USP24: variants seen among roughly 807,000 people sequenced by gnomAD.
The protein encoded by USP24 is ubiquitin carboxyl-terminal hydrolase 24.
USP24 carries 97 observed loss-of-function variants against 361.6 expected under a neutral mutation model. The ratio of observed to expected loss-of-function variants is 0.27; its 90% confidence interval spans 0.23 to 0.32. USP24 has a LOEUF of 0.32. USP24 is among the 10% of genes least tolerant of loss of function. The pLI is 1.00. For missense variants in USP24, 2,353 were observed against 3,165.6 expected, an observed-to-expected ratio of 0.74 and a Z score of 6.16; for synonymous variants, 1,098 against 1,124.6, an observed-to-expected ratio of 0.98 and a Z score of 0.47.
intron 5 of USP24, among the ~76,000 whole-genome samples, chr1:55,170,385 G>C (rs1489682937): frequency 6.6e-6 from 1 of 152,138 alleles, no homozygotes; most frequent in African/African-American, 2.4e-5. Flanking sequence ...GCTCACTAGA[G>C]TGAACCACCA....
At chr1:55,072,679 A>G (rs1644944369) in intron 65 of USP24, 107 bp downstream of exon 65, 2 of 1,143,034 alleles carry the variant, frequency 1.7e-6, no homozygotes, top group South Asian at 1.6e-5. Context: ...TGAAATCTGA[A>G]AACACTTTAA....
chr1:55,100,077 A>G (rs1645593311), intron 44 of USP24, among the ~76,000 whole-genome samples: 1 of 152,238 alleles, frequency 6.6e-6, no homozygotes. Context: ...TCTGAAATCA[A>G]AAGTGGGTAC....
chr1:55,128,298 C>G (rs1458812911), intron 32 of USP24, among the ~76,000 whole-genome samples: 1 of 152,166 alleles, frequency 6.6e-6, no homozygotes, highest in Non-Finnish European at 1.5e-5. Context: ...CTCCCACTTC[C>G]CTTCATCCTC....
chr1:55,180,136 G>GT (rs1643920407), intron 1 of USP24, among the ~76,000 whole-genome samples: 1 of 152,144 alleles, frequency 6.6e-6, no homozygotes, highest in Non-Finnish European at 1.5e-5. Context: ...GGCCACAGCA[G>GT]TATTTCTGGC....
chr1:55,180,435 A>T (rs1294490454), intron 1 of USP24, among the ~76,000 whole-genome samples: 1 of 152,160 alleles, frequency 6.6e-6, no homozygotes, highest in East Asian at 1.9e-4. Context: ...CTCATTGGAC[A>T]ACCAGCCCCT....
intron 10 of USP24, 38 bp from the exon 11 acceptor site, chr1:55,157,408 C>T (rs1442955906): frequency 8.7e-7 from 1 of 1,152,292 alleles, no homozygotes; most frequent in Non-Finnish European, 1.2e-6. Context: ...GTCTAATATA[C>T]ATTATCAAAT....
At chr1:55,162,324 TAAAC>T (rs1648376536) in intron 7 of USP24, 60 bp from the exon 8 acceptor site, 1 of 1,414,184 alleles carries the variant, frequency 7.1e-7, no homozygotes, top group Admixed American at 2.9e-5. Context: ...CTGTCAAAAT[TAAAC>T]AAATCCCTTT....
intron 41 of USP24, among the ~76,000 whole-genome samples, chr1:55,104,847 G>A (rs534602205): frequency 2.6e-5 from 4 of 152,342 alleles, no homozygotes; most frequent in African/African-American, 9.6e-5. Context: ...GCAAAGGACA[G>A]TAAGAAAAGA....
intron 67 of USP24, chr1:55,071,020 T>C (rs1644909786): frequency 1.9e-6 from 1 of 518,696 alleles, no homozygotes; most frequent in Non-Finnish European, 2.5e-6. Flanking sequence ...GGAGTGACCT[T>C]GGGCTAAGTC....
chr1:55,175,902 C>T (rs1440568214), intron 3 of USP24, among the ~76,000 whole-genome samples: 1 of 152,154 alleles, frequency 6.6e-6, no homozygotes, highest in African/African-American at 2.4e-5. Flanking sequence ...GAGATGGTGC[C>T]TTATGCATGT....
chr1:55,089,941 A>C (rs1456927041), intron 54 of USP24, among the ~76,000 whole-genome samples: 1 of 152,148 alleles, frequency 6.6e-6, no homozygotes, highest in African/African-American at 2.4e-5. Context: ...AGTGCTTTGC[A>C]TTCCTTGGCT....
At chr1:55,087,998 G>A (rs1645290733) in intron 55 of USP24, among the ~76,000 whole-genome samples, 1 of 152,226 alleles carries the variant, frequency 6.6e-6, no homozygotes, top group African/African-American at 2.4e-5. Flanking sequence ...AGCCTGACAA[G>A]CAGAGAGTGA....
At position 55,157,236 on chromosome 1, in the gene USP24, T is replaced by C; in HGVS notation, c.1342+20A>G. The C allele has an allele frequency of 6.5e-7, 1 of 1,540,322 alleles. No individual in the cohort carries two copies. Among genetic ancestry groups the C allele is most frequent in the Non-Finnish European group, 8.8e-7 (1 of 1,132,250 alleles). On this transcript the variant is annotated intron_variant, in intron 11 of 67. Coordinates refer to ENST00000294383, the MANE Select transcript of USP24 (RefSeq NM_015306.3). ...TTTAAATTATGTGTTAGGTAATTTT[T>C]ATTTTTGAAAGCAACTTACCTTCCA...
intron 1 of USP24, among the ~76,000 whole-genome samples, chr1:55,181,511 G>GT (rs1357124840): frequency 3.3e-5 from 5 of 152,146 alleles, no homozygotes; most frequent in African/African-American, 1.2e-4. Context: ...ATTTAGCATA[G>GT]TTTTAAATCT....
chr1:55,209,127 A>G (rs562831246), intron 1 of USP24, among the ~76,000 whole-genome samples: 2 of 152,228 alleles, frequency 1.3e-5, no homozygotes, highest in South Asian at 2.1e-4. Context: ...AAGGGAGGAA[A>G]AAAACATTTA....
chr1:55,145,389 A>G (rs919893202), intron 20 of USP24, among the ~76,000 whole-genome samples: 1 of 152,230 alleles, frequency 6.6e-6, no homozygotes, highest in Non-Finnish European at 1.5e-5. Context: ...ATTATGCCTT[A>G]GTACAATGAA....
intron 7 of USP24, among the ~76,000 whole-genome samples, chr1:55,163,234 TAAGCA>T (rs1268925249): frequency 6.6e-6 from 1 of 151,986 alleles, no homozygotes. Flanking sequence ...GAACATTATC[TAAGCA>T]AGTTAGAAAA....
Position 55,121,470 on chromosome 1 carries a change from A to G in USP24, c.4313T>C (p.Ile1438Thr), listed in dbSNP as rs2100598414. The G allele has an allele frequency of 6.2e-7, 1 of 1,613,824 alleles. No homozygotes were observed. The highest frequency in any genetic ancestry group is 2.2e-5 in the East Asian group (1 of 44,882). Residue 1438 changes from isoleucine (I) to threonine (T), a missense_variant, in exon 37 of 68, where the codon ATC (isoleucine) becomes ACC (threonine). Physicochemically the swap from Ile to Thr is moderately conservative, Grantham distance 89. Transcript: ENST00000294383. ...FYNLPCVADF[I>T]IDILLGSPSA... is the part of the protein sequence containing the mutation. ...TGGTGATCCGAGCAGAATATCAATG[A>G]TGAAATCAGCAACACAGGGCAAGTT... is the stretch of plus-strand genomic sequence containing the variant.
In USP24 at chr1:55,112,853, T is replaced by C. The variant is rs142139590; in HGVS notation, c.4509-2607A>G. On this transcript the variant is annotated intron_variant, in intron 38 of 67. Transcript: ENST00000294383. ...GCTGTCTCATTGATCTGTCTAATAT[T>C]GACAGCGGAGTGTTAAAGTCTCCCA... 2.4e-4 allele frequency among the ~76,000 whole-genome samples: 37 copies of C among 152,300 alleles called. 1 individual carries two copies. The highest frequency in any genetic ancestry group is 8.4e-4 in the African/African-American group (35 of 41,552).
Sources: allele counts gnomAD v4.1 joint callset (sites outside exome capture counted in the v4.1 genomes callset), GRCh38; gene constraint gnomAD v4.1.1; transcripts MANE v1.5; gene names NCBI Gene and HGNC (gene_info 2026-07-23, HGNC 2026-07-21).